Variants in ATF1 observed in about 807,000 individuals in gnomAD.
ATF1 encodes activating transcription factor 1.
Under a neutral mutation model 34.7 loss-of-function variants are expected in ATF1, and 16 were observed. The observed-to-expected ratio is 0.46, with a 90% CI of 0.31 to 0.70. ATF1 has a LOEUF of 0.70. Among genes scored for constraint, ATF1 ranks in the 30% least tolerant of loss-of-function variants. ATF1 has a pLI of 0.05. For missense variants in ATF1, 255 were observed against 321.6 expected, an observed-to-expected ratio of 0.79 and a Z score of 1.58; for synonymous variants, 105 against 113.1, an observed-to-expected ratio of 0.93 and a Z score of 0.46.
At chr12:50,763,677 A>T (rs900459050), upstream of ATF1, 2 of 149,478 alleles carry the variant, frequency 1.3e-5, no homozygotes, top group Non-Finnish European at 3.0e-5. Flanking sequence ...AGGAAGTCAA[A>T]GCCTTCACTC....
intron 4 of ATF1, among the ~76,000 whole-genome samples, chr12:50,811,377 A>C (rs1941733671): frequency 6.6e-6 from 1 of 152,188 alleles, no homozygotes; most frequent in Admixed American, 6.6e-5. Flanking sequence ...CTTAAGGGAA[A>C]GAACCTTTTG....
At chr12:50,780,105 T>G in intron 1 of ATF1, 35 bp from the exon 2 acceptor site, 2 of 1,451,486 alleles carry the variant, frequency 1.4e-6, no homozygotes, top group Non-Finnish European at 1.9e-6. Flanking sequence ...TTCTGTATCA[T>G]ATTTAATTTT....
intron 2 of ATF1, among the ~76,000 whole-genome samples, chr12:50,787,182 C>T (rs758427577): frequency 5.3e-5 from 8 of 152,156 alleles, no homozygotes; most frequent in Non-Finnish European, 1.0e-4. Context: ...TAGTGTCTTA[C>T]CCATGATGTC....
At chr12:50,775,150 C>A (rs891408740) in intron 1 of ATF1, among the ~76,000 whole-genome samples, 3 of 151,668 alleles carry the variant, frequency 2.0e-5, no homozygotes, top group Non-Finnish European at 4.4e-5. Flanking sequence ...CTGTGTTCCC[C>A]AGGCTGGTCT....
chr12:50,817,114 C>G (rs1565922101), intron 6 of ATF1, among the ~76,000 whole-genome samples: 1 of 152,202 alleles, frequency 6.6e-6, no homozygotes, highest in East Asian at 1.9e-4. Context: ...TTATCTTGTA[C>G]AGTTGACGTG....
At chr12:50,793,393 AGG>A (rs1284449627) in intron 2 of ATF1, among the ~76,000 whole-genome samples, 1 of 152,118 alleles carries the variant, frequency 6.6e-6, no homozygotes, top group Non-Finnish European at 1.5e-5. Context: ...TGGGATGCTG[AGG>A]TGGGCGGATC....
At chr12:50,774,752 G>GTTTTTTT (rs63149060) in intron 1 of ATF1, among the ~76,000 whole-genome samples, 2 of 141,170 alleles carry the variant, frequency 1.4e-5, no homozygotes, top group Admixed American at 7.1e-5. Context: ...TTTTGTTTTT[G>GTTTTTTT]TTTTTTTTTT....
chr12:50,768,842 G>C (rs1009327751), intron 1 of ATF1, among the ~76,000 whole-genome samples: 12 of 152,148 alleles, frequency 7.9e-5, no homozygotes, highest in Non-Finnish European at 1.6e-4. Flanking sequence ...GTCATAAACT[G>C]TTTCTTTGAC....
intron 6 of ATF1, among the ~76,000 whole-genome samples, chr12:50,817,256 A>C (rs1332360152): frequency 6.6e-6 from 1 of 152,200 alleles, no homozygotes; most frequent in African/African-American, 2.4e-5. Flanking sequence ...GAATAGGTAC[A>C]TATTGAGCCT....
chr12:50,809,642 T>G, intron 4 of ATF1, 53 bp downstream of exon 4: 1 of 1,519,710 alleles, frequency 6.6e-7, no homozygotes, highest in Non-Finnish European at 8.9e-7. Context: ...CTGACTTTTC[T>G]GTAGAAAGAA....
Position 50,813,996 on chromosome 12 carries a change from C to G in ATF1, c.329-14C>G, listed in dbSNP as rs370959154. On this transcript the variant is annotated splice_polypyrimidine_tract_variant and intron_variant, in intron 4 of 6. Transcript: ENST00000262053. ...TATAACCTTACAATAGCTATTTTCT[C>G]TTTTTGATTAAAGTTGCCATTGCCC... is the stretch of plus-strand genomic sequence containing the variant. 42 of 1,605,638 alleles carry G rather than the reference C, an allele frequency of 2.6e-5. No individual in the cohort carries two copies. The highest frequency in any genetic ancestry group is 3.4e-5 in the Non-Finnish European group (40 of 1,176,770).
chr12:50,773,782 G>A (rs1442086808), intron 1 of ATF1, among the ~76,000 whole-genome samples: 1 of 151,836 alleles, frequency 6.6e-6, no homozygotes, highest in Non-Finnish European at 1.5e-5. Context: ...TAGAAATGGG[G>A]TTTTGCCATA....
chr12:50,807,505 T>C (rs896970469), intron 3 of ATF1, among the ~76,000 whole-genome samples: 8 of 152,178 alleles, frequency 5.3e-5, no homozygotes, highest in African/African-American at 1.4e-4. Flanking sequence ...AATAATAGAA[T>C]GGTTTACTTT....
chr12:50,801,049 C>G (rs1941502055), intron 3 of ATF1, among the ~76,000 whole-genome samples: 1 of 152,188 alleles, frequency 6.6e-6, no homozygotes, highest in Non-Finnish European at 1.5e-5. Context: ...GAGCCGAGAT[C>G]ATGCCACTGC....
At chr12:50,808,816 T>C (rs1941671853) in intron 3 of ATF1, among the ~76,000 whole-genome samples, 1 of 151,576 alleles carries the variant, frequency 6.6e-6, no homozygotes, top group South Asian at 2.1e-4. Context: ...CTCGACTCAC[T>C]GCAACCTCCG....
chr12:50,769,271 G>A (rs769218756), intron 1 of ATF1, among the ~76,000 whole-genome samples: 29 of 152,274 alleles, frequency 1.9e-4, no homozygotes, highest in South Asian at 1.7e-3. Flanking sequence ...TAGGGAGGTC[G>A]AGGCAGATGG....
intron 3 of ATF1, among the ~76,000 whole-genome samples, chr12:50,800,173 A>G (rs1941485014): frequency 6.6e-6 from 1 of 152,236 alleles, no homozygotes; most frequent in African/African-American, 2.4e-5. Context: ...ATCAGAAACT[A>G]TGGAGGTGAG....
intron 6 of ATF1, 113 bp from the exon 7 acceptor site, chr12:50,819,522 A>G: frequency 8.3e-7 from 1 of 1,201,016 alleles, no homozygotes; most frequent in Non-Finnish European, 1.2e-6. Flanking sequence ...CTCTGTGTGT[A>G]GATGATACTT....
chr12:50,809,563 T>C lies in ATF1; in HGVS notation c.302T>C (p.Ile101Thr). Reference protein sequence around the residue: ...AVTSMSVPTPIYQTSSGQYIA... With the variant: ...AVTSMSVPTPTYQTSSGQYIA... Reference sequence around the variant, plus strand: ...ACTTCTATGTCTGTTCCAACTCCCATCTATCAGACTAGCAGCGGACAGTAC... The same window carrying C: ...ACTTCTATGTCTGTTCCAACTCCCACCTATCAGACTAGCAGCGGACAGTAC... The change falls in exon 4 of 7, where the codon ATC becomes ACC. Residue 101 changes from isoleucine to threonine, a missense_variant. Transcript: ENST00000262053. 1 of 1,613,794 alleles carries C rather than the reference T, an allele frequency of 6.2e-7. No individual in the cohort carries two copies. The highest frequency in any genetic ancestry group is 8.5e-7 in the Non-Finnish European group (1 of 1,179,796).
Sources: gnomAD v4.1 joint callset for allele counts (sites outside exome capture counted in the v4.1 genomes callset) on GRCh38, gnomAD v4.1.1 for gene constraint, MANE v1.5 for transcripts, NCBI Gene and HGNC (gene_info 2026-07-23, HGNC 2026-07-21) for gene names.